The following PIEZO2 variants were observed in gnomAD, a reference collection of about 807,000 sequenced individuals.
The protein encoded by PIEZO2 is piezo type mechanosensitive ion channel component 2.
In PIEZO2, 172 loss-of-function variants were observed where a neutral mutation model predicts 337.3. The observed-to-expected ratio is 0.51, with a 90% CI of 0.45 to 0.58. PIEZO2 has a LOEUF of 0.58. PIEZO2 is among the 20% of genes least tolerant of loss of function. The pLI, the probability that PIEZO2 is intolerant of heterozygous loss-of-function variation, is 0.00. For synonymous variants in PIEZO2, 1,251 were observed against 1,228.5 expected (o/e 1.02, Z -0.38); for missense variants, 3,028 against 3,391.3 (o/e 0.89, Z 2.66).
At position 10,770,217 on chromosome 18, in the gene PIEZO2, C is replaced by A; in HGVS notation, c.2877G>T (p.Met959Ile). 1 of 1,537,500 alleles carries A rather than the reference C, an allele frequency of 6.5e-7. No homozygotes were observed. Among genetic ancestry groups the A allele is most frequent in the South Asian group, 1.2e-5 (1 of 84,066 alleles). ...TGATGTGCAACTCCAAAATCCACCA[C>A]ATGAACACCTGCAGCTTGTGAAAAT... Reference protein sequence around the residue: ...LEYFHKLQVFMWWILELHIIK... With the variant: ...LEYFHKLQVFIWWILELHIIK... Residue 959 changes from methionine to isoleucine, a missense_variant, in exon 21 of 56, where the codon ATG becomes ATT. Physicochemically the swap from Met to Ile is conservative, Grantham distance 10 (BLOSUM62 1). Coordinates refer to ENST00000674853, the MANE Select transcript of PIEZO2 (RefSeq NM_001378183.1).
At chr18:10,778,028 T>C (rs2038847868) in intron 18 of PIEZO2, among the ~76,000 whole-genome samples, 1 of 152,218 alleles carries the variant, frequency 6.6e-6, no homozygotes, top group African/African-American at 2.4e-5. Context: ...CTCAATACAC[T>C]ACCCTACCTT....
At chr18:10,807,040 G>A (rs2040022094) in intron 8 of PIEZO2, 72 bp downstream of exon 8, 3 of 1,404,202 alleles carry the variant, frequency 2.1e-6, no homozygotes, top group East Asian at 2.5e-5. Context: ...GTAGAGAACA[G>A]GAGTGAATCA....
rs972561042 is a variant in PIEZO2, at chr18:10,781,839, G to C, written c.2493-1473C>G. On this transcript the variant is annotated intron_variant, in intron 17 of 55. Transcript: ENST00000674853. The surrounding 1 kb of genome is among the most constrained non-coding windows in gnomAD (Gnocchi z 4.1). ...ACAACAGTGTGGAAATCAGCTTAACGAGCGAATCGGTTATTCCTGATCTGT... is the reference window on the plus strand; with the variant it reads ...ACAACAGTGTGGAAATCAGCTTAACCAGCGAATCGGTTATTCCTGATCTGT... 6.6e-6 allele frequency among the ~76,000 whole-genome samples: 1 copy of C among 152,066 alleles called. No homozygotes were observed. Among genetic ancestry groups the C allele is most frequent in the Non-Finnish European group, 1.5e-5 (1 of 67,994 alleles).
intron 7 of PIEZO2, among the ~76,000 whole-genome samples, chr18:10,839,389 G>C (rs138034852): frequency 3.3e-5 from 5 of 152,188 alleles, no homozygotes; most frequent in African/African-American, 1.2e-4. Flanking sequence ...GCAGTGGTGG[G>C]GATATCCAGA....
chr18:10,908,525 A>G (rs1172494844), intron 4 of PIEZO2: 1 of 152,276 alleles, frequency 6.6e-6, no homozygotes, highest in African/African-American at 2.4e-5. Flanking sequence ...AAGACAAGCC[A>G]TATATAACAG....
intron 2 of PIEZO2, among the ~76,000 whole-genome samples, chr18:10,996,499 T>C (rs1290634718): frequency 6.6e-6 from 1 of 152,194 alleles, no homozygotes; most frequent in Non-Finnish European, 1.5e-5. Flanking sequence ...AAGCAGCTGC[T>C]CTCCATTCCC....
intron 42 of PIEZO2, among the ~76,000 whole-genome samples, chr18:10,703,202 T>C (rs16975229): frequency 0.3 from 44,925 of 152,018 alleles, 6,811 homozygotes; most frequent in East Asian, 0.4. Context: ...ATTCTTGGTA[T>C]TTCCTCTTAC....
chr18:10,715,166 C>T lies in PIEZO2; in HGVS notation c.5257-236G>A, dbSNP rs7243556. Among the ~76,000 whole-genome samples, 126,635 of 151,946 alleles carry T rather than the reference C, an allele frequency of 0.83. 53,413 individuals are homozygous for T. Among genetic ancestry groups the T allele is most frequent in the East Asian group, 0.99 (5,135 of 5,178 alleles). On this transcript the variant is annotated intron_variant, in intron 38 of 55. Transcript: ENST00000674853. ...GATAATTTTGCCAAATCATAGTAAC[C>T]TTTCAAGATATGAACTATTATTTTA...
chr18:10,894,161 A>G lies in PIEZO2; in HGVS notation c.329+17025T>C, dbSNP rs2042830663. Among the ~76,000 whole-genome samples, 1 of 152,164 alleles carries G rather than the reference A, an allele frequency of 6.6e-6. No homozygotes were observed. The highest frequency in any genetic ancestry group is 2.1e-4 in the South Asian group (1 of 4,820). Reference sequence around the variant, plus strand: ...AATGGGCTCAAGCATGTGCATTAAGAGGCAAAATGGGCCAAGTGCGGTGGC... The same window carrying G: ...AATGGGCTCAAGCATGTGCATTAAGGGGCAAAATGGGCCAAGTGCGGTGGC... On this transcript the variant is annotated intron_variant, in intron 4 of 55. Coordinates refer to ENST00000674853, the MANE Select transcript of PIEZO2 (RefSeq NM_001378183.1). The surrounding 1 kb of genome is among the most constrained non-coding windows in gnomAD (Gnocchi z 4.1).
intron 8 of PIEZO2, among the ~76,000 whole-genome samples, chr18:10,805,315 A>AC (rs2039965314): frequency 6.6e-6 from 1 of 152,232 alleles, no homozygotes; most frequent in African/African-American, 2.4e-5. Context: ...GGAGTTCCAG[A>AC]CCAGCCTGGC....
At chr18:11,004,360 C>T (rs564375603) in intron 2 of PIEZO2, among the ~76,000 whole-genome samples, 47 of 152,332 alleles carry the variant, frequency 3.1e-4, no homozygotes, top group Non-Finnish European at 6.5e-4. Context: ...GGATTTCACA[C>T]GTTTCTCAGA....
At chr18:10,970,783 A>G (rs1232937789) in intron 3 of PIEZO2, among the ~76,000 whole-genome samples, 1 of 151,968 alleles carries the variant, frequency 6.6e-6, no homozygotes, top group Admixed American at 6.6e-5. Flanking sequence ...CATGCCAGGA[A>G]CTCTAGAAAT....
At chr18:10,832,468 A>C (rs1192937054) in intron 7 of PIEZO2, among the ~76,000 whole-genome samples, 5 of 152,192 alleles carry the variant, frequency 3.3e-5, no homozygotes, top group African/African-American at 1.2e-4. Flanking sequence ...ACGAGAAACA[A>C]AGATACTCAT....
intron 38 of PIEZO2, 30 bp downstream of exon 38, chr18:10,715,620 G>T: frequency 6.7e-7 from 1 of 1,487,248 alleles, no homozygotes; most frequent in Non-Finnish European, 8.9e-7. Context: ...ATGTGGGAAG[G>T]AGCAAAAAGA....
At chr18:10,976,593 TCATAA>T (rs1017348827) in intron 3 of PIEZO2, among the ~76,000 whole-genome samples, 2 of 152,118 alleles carry the variant, frequency 1.3e-5, no homozygotes, top group African/African-American at 2.4e-5. Flanking sequence ...TTAAATTGAC[TCATAA>T]CAGAGTAGAG....
At chr18:10,719,991 T>C (rs1376916178) in intron 36 of PIEZO2, among the ~76,000 whole-genome samples, 1 of 152,020 alleles carries the variant, frequency 6.6e-6, no homozygotes, top group African/African-American at 2.4e-5. Flanking sequence ...GATGCTGTCA[T>C]CTGATAGAGG....
chr18:10,801,255 T>C (rs962541005), intron 10 of PIEZO2, 135 bp downstream of exon 10: 2 of 669,240 alleles, frequency 3.0e-6, no homozygotes, highest in Non-Finnish European at 4.8e-6. Flanking sequence ...CTACCAGATA[T>C]AATTTATGCC....
rs533513990 is a variant in PIEZO2 at position 11,146,830 on chromosome 18, G to A, written c.64+1695C>T. Among the ~76,000 whole-genome samples, 3 of 152,320 alleles carry A rather than the reference G, an allele frequency of 2.0e-5. No individual in the cohort carries two copies. Among genetic ancestry groups the A allele is most frequent in the African/African-American group, 7.2e-5 (3 of 41,580 alleles). ...GCTGTCCCTTGGAGAGCGGGATGGG[G>A]GATGGGGAAGAGGGTGTCCATCCTC... is the stretch of plus-strand genomic sequence containing the variant. On this transcript the variant is annotated intron_variant, in intron 1 of 55. Coordinates refer to ENST00000674853, the MANE Select transcript of PIEZO2 (RefSeq NM_001378183.1). The surrounding 1 kb of genome is among the most constrained non-coding windows in gnomAD (Gnocchi z 6.1).
chr18:11,116,594 T>C lies in PIEZO2; in HGVS notation c.64+31931A>G, dbSNP rs1431103152. ...GCCGGGCGTGGTGGCGGGGGGCCTG[T>C]AGTCCCAGCTACTCGGGAGGCTGAG... On this transcript the variant is annotated intron_variant, in intron 1 of 55. Transcript: ENST00000674853. The surrounding 1 kb of genome is among the most constrained non-coding windows in gnomAD (Gnocchi z 5.0). Among the ~76,000 whole-genome samples, 1 of 151,860 alleles carries C rather than the reference T, an allele frequency of 6.6e-6. No homozygotes were observed. Among genetic ancestry groups the C allele is most frequent in the Non-Finnish European group, 1.5e-5 (1 of 67,986 alleles).
Sources: allele counts gnomAD v4.1 joint callset (sites outside exome capture counted in the v4.1 genomes callset), GRCh38; gene constraint gnomAD v4.1.1; non-coding constraint Gnocchi (gnomAD v3.1); transcripts MANE v1.5; gene names NCBI Gene and HGNC (gene_info 2026-07-23, HGNC 2026-07-21).